Variants in CPN1 observed in about 807,000 individuals in gnomAD.
CPN1 encodes carboxypeptidase N catalytic chain.
CPN1 carries 37 observed loss-of-function variants against 46.4 expected under a neutral mutation model. That is an observed-to-expected ratio of 0.80 (90% CI 0.61 to 1.05). CPN1 has a LOEUF of 1.05. Among genes scored for constraint, CPN1 ranks in the 50% least tolerant of loss-of-function variants. The pLI is 0.00. For synonymous variants in CPN1, 224 were observed against 235.4 expected, an observed-to-expected ratio of 0.95 and a Z score of 0.44; for missense variants, 563 against 602.6, an observed-to-expected ratio of 0.93 and a Z score of 0.69.
At chr10:100,043,308 C>T (rs7091920) in intron 8 of CPN1, among the ~76,000 whole-genome samples, 63,952 of 150,398 alleles carry the variant, frequency 0.43, 14,282 homozygotes, top group African/African-American at 0.53. Context: ...GGCAGGAGAA[C>T]TGCTTGAACT....
At chr10:100,055,610 C>T (rs1418313746) in intron 6 of CPN1, among the ~76,000 whole-genome samples, 1 of 152,118 alleles carries the variant, frequency 6.6e-6, no homozygotes, top group Non-Finnish European at 1.5e-5. Context: ...CCATAACCTC[C>T]ACTTCCCGGG....
In CPN1 at chr10:100,064,536, G is replaced by A. The variant is rs531713487; in HGVS notation, c.759+652C>T. Among the ~76,000 whole-genome samples the A allele has an allele frequency of 2.1e-3, 317 of 151,312 alleles. 2 individuals carry two copies. Among genetic ancestry groups the A allele is most frequent in the Non-Finnish European group, 4.0e-3 (272 of 67,832 alleles). On this transcript the variant is annotated intron_variant, in intron 4 of 8. Transcript: ENST00000370418. The stretch of plus-strand genomic sequence containing the variant: ...GCTGGGATTACAGGCACCCACCACC[G>A]TGCCTGGTTAATTTTTTTATTTTTA...
chr10:100,074,397 T>G (rs1237259103), intron 2 of CPN1, among the ~76,000 whole-genome samples: 1 of 152,128 alleles, frequency 6.6e-6, no homozygotes, highest in Non-Finnish European at 1.5e-5. Flanking sequence ...GGCTCTAAGA[T>G]TCAGTGGACT....
intron 8 of CPN1, among the ~76,000 whole-genome samples, chr10:100,046,750 C>G (rs1329539353): frequency 9.4e-5 from 14 of 149,156 alleles, no homozygotes; most frequent in Non-Finnish European, 2.1e-4. Flanking sequence ...CCAGCCAGGG[C>G]AACAGAGCAA....
chr10:100,057,342 C>CA lies in CPN1; in HGVS notation c.872-191dup, dbSNP rs1160702840. Reference sequence around the variant, plus strand: ...CATCACATAATAATATGTACATATTCATGGGGCACACATAGTGACGTTTCA... The same window carrying CA: ...CATCACATAATAATATGTACATATTCAATGGGGCACACATAGTGACGTTTCA... On this transcript the variant is annotated intron_variant, in intron 5 of 8. Transcript: ENST00000370418. Among the ~76,000 whole-genome samples the CA allele has an allele frequency of 2.0e-5, 3 of 152,056 alleles. No individual in the cohort carries two copies. In the East Asian group the frequency reaches 5.8e-4, roughly 29 times the overall value.
chr10:100,046,164 T>C (rs980649869), intron 8 of CPN1, among the ~76,000 whole-genome samples: 1 of 151,948 alleles, frequency 6.6e-6, no homozygotes, highest in African/African-American at 2.4e-5. Context: ...GCGGCATGAG[T>C]GGAAAGCAAG....
At chr10:100,059,095 T>C (rs2041401954) in intron 5 of CPN1, among the ~76,000 whole-genome samples, 1 of 151,946 alleles carries the variant, frequency 6.6e-6, no homozygotes, top group Admixed American at 6.6e-5. Context: ...TAGAAGAATA[T>C]ATAGGGCAAA....
At chr10:100,065,117 G>A in intron 4 of CPN1, 71 bp downstream of exon 4, 1 of 1,546,994 alleles carries the variant, frequency 6.5e-7, no homozygotes, top group Non-Finnish European at 8.8e-7. Flanking sequence ...AAAGGGTTCT[G>A]TGTTACTGAC....
At chr10:100,077,263 C>T (rs1018660767) in intron 1 of CPN1, among the ~76,000 whole-genome samples, 1 of 138,326 alleles carries the variant, frequency 7.2e-6, no homozygotes, top group African/African-American at 2.7e-5. Flanking sequence ...TGGAGTCTCA[C>T]TCTGTCACCC....
chr10:100,060,040 C>CT (rs1335656736), intron 5 of CPN1, among the ~76,000 whole-genome samples: 2 of 152,092 alleles, frequency 1.3e-5, no homozygotes, highest in Non-Finnish European at 2.9e-5. Context: ...TTAGAGCAGT[C>CT]AAAATCATAA....
rs377060200 is a variant in CPN1 at position 100,076,419 on chromosome 10, G to A, written c.224-312C>T. On this transcript the variant is annotated intron_variant, in intron 1 of 8. Transcript: ENST00000370418. ...AATAGCCTCAGGGTGAGGGTAATAA[G>A]GATGGGAGAGGTTAAGTAACTTGTC... 3.7e-4 allele frequency among the ~76,000 whole-genome samples: 57 copies of A among 152,322 alleles called. 1 individual carries two copies. Among genetic ancestry groups the A allele is most frequent in the African/African-American group, 1.3e-3 (53 of 41,574 alleles).
At chr10:100,054,291 TGAA>T in intron 7 of CPN1, 53 bp downstream of exon 7, 1 of 1,384,380 alleles carries the variant, frequency 7.2e-7, no homozygotes, top group Non-Finnish European at 1.0e-6. Context: ...TTGATTATGC[TGAA>T]GAAGATGCAG....
chr10:100,054,759 C>A (rs2041375291), intron 6 of CPN1, among the ~76,000 whole-genome samples: 1 of 152,008 alleles, frequency 6.6e-6, no homozygotes, highest in Non-Finnish European at 1.5e-5. Flanking sequence ...GCTCTCTGAT[C>A]CCATCTCCAA....
chr10:100,052,985 G>A (rs1447127567), intron 7 of CPN1, among the ~76,000 whole-genome samples: 2 of 152,124 alleles, frequency 1.3e-5, no homozygotes. Context: ...AGCAAGCCCT[G>A]AAGAAGGCTG....
At position 100,057,002 on chromosome 10, in the gene CPN1, T is replaced by C. The variant is rs1021653973; in HGVS notation, c.1011+11A>G. 3.8e-6 allele frequency: 6 copies of C among 1,593,738 alleles called. No individual in the cohort carries two copies. The highest frequency in any genetic ancestry group is 3.3e-5 in the Admixed American group (2 of 59,948). ...TTTTGCAAACATGAGAGTTAACAAA[T>C]GAGATTTTACCTGTTCCAGGAACTG... is the stretch of plus-strand genomic sequence containing the variant. On this transcript the variant is annotated intron_variant, in intron 6 of 8. Coordinates refer to ENST00000370418, the MANE Select transcript of CPN1 (RefSeq NM_001308.3).
At chr10:100,048,086 C>A (rs1453973904) in intron 8 of CPN1, among the ~76,000 whole-genome samples, 4 of 152,074 alleles carry the variant, frequency 2.6e-5, no homozygotes, top group Non-Finnish European at 4.4e-5. Flanking sequence ...GTTGATTTGG[C>A]CCCTGCATAC....
chr10:100,066,168 C>G (rs2041453946), intron 3 of CPN1, among the ~76,000 whole-genome samples: 1 of 152,108 alleles, frequency 6.6e-6, no homozygotes, highest in Non-Finnish European at 1.5e-5. Flanking sequence ...GTTACTGAGG[C>G]TGGTCTTGAG....
chr10:100,071,321 G>C (rs2133444559), intron 2 of CPN1, among the ~76,000 whole-genome samples: 1 of 152,298 alleles, frequency 6.6e-6, no homozygotes, highest in South Asian at 2.1e-4. Flanking sequence ...GCTAGAAGTT[G>C]TAATCAAGTC....
intron 3 of CPN1, among the ~76,000 whole-genome samples, chr10:100,065,809 G>A (rs1017903445): frequency 6.6e-6 from 1 of 151,982 alleles, no homozygotes; most frequent in African/African-American, 2.4e-5. Context: ...ACCCCTCTGG[G>A]GTGGGATGTT....
Sources: gnomAD v4.1 joint callset for allele counts (sites outside exome capture counted in the v4.1 genomes callset) on GRCh38, gnomAD v4.1.1 for gene constraint, MANE v1.5 for transcripts, NCBI Gene and HGNC (gene_info 2026-07-23, HGNC 2026-07-21) for gene names.